The following RBM41 variants were observed in gnomAD, a reference collection of about 807,000 sequenced individuals.
The protein encoded by RBM41 is RNA binding motif protein 41.
Under a neutral mutation model 30.8 loss-of-function variants are expected in RBM41, and 14 were observed. The ratio of observed to expected loss-of-function variants is 0.45; its 90% CI spans 0.30 to 0.71. The LOEUF is 0.71. RBM41 is among the 30% of genes least tolerant of loss of function. RBM41 has a pLI of 0.08. For missense variants in RBM41, 276 were observed against 326.3 expected (o/e 0.85, Z 1.19); for synonymous variants, 120 against 110.1 (o/e 1.09, Z -0.56).
At chrX:107,061,513 T>C (rs1032022035), downstream of RBM41, among the ~76,000 whole-genome samples, 3 of 112,236 alleles carry the variant, frequency 2.7e-5, no homozygotes, top group African/African-American at 9.7e-5. Flanking sequence ...CATTGTACAC[T>C]AAGAAATTAG....
At chrX:107,069,158 G>T in intron 7 of RBM41, 97 bp downstream of exon 7, 1 of 774,157 alleles carries the variant, frequency 1.3e-6, no homozygotes, top group Non-Finnish European at 1.8e-6. Flanking sequence ...CACATGCTGT[G>T]GAGAAATCAA....
the RBM41 span, among the ~76,000 whole-genome samples, chrX:107,054,110 G>GA: frequency 9.0e-6 from 1 of 110,853 alleles, no homozygotes; most frequent in Non-Finnish European, 1.9e-5. Flanking sequence ...ACAGTAAAGA[G>GA]AAAAATATGA....
intron 5 of RBM41, among the ~76,000 whole-genome samples, chrX:107,092,802 A>G (rs1011573759): frequency 4.5e-5 from 5 of 111,796 alleles, no homozygotes; most frequent in Non-Finnish European, 7.5e-5. Flanking sequence ...TCAACATGAC[A>G]TCATCTACTA....
At chrX:107,085,228 G>T (rs1398165384) in intron 6 of RBM41, among the ~76,000 whole-genome samples, 1 of 106,875 alleles carries the variant, frequency 9.4e-6, no homozygotes, top group Non-Finnish European at 1.9e-5. Context: ...AGGTATATTA[G>T]AATTCTTATT....
the RBM41 span, among the ~76,000 whole-genome samples, chrX:107,052,649 G>A: frequency 9.0e-6 from 1 of 111,697 alleles, no homozygotes; most frequent in African/African-American, 3.3e-5. Context: ...GTCATGGACT[G>A]CATCTGGGGC....
At chrX:107,106,396 T>C (rs1405101634) in intron 5 of RBM41, among the ~76,000 whole-genome samples, 1 of 110,882 alleles carries the variant, frequency 9.0e-6, no homozygotes, top group African/African-American at 3.3e-5. Context: ...TGTGGAGAAA[T>C]AGGAACACTT....
At chrX:107,054,922 T>C in the RBM41 span, among the ~76,000 whole-genome samples, 1 of 111,939 alleles carries the variant, frequency 8.9e-6, no homozygotes, top group Non-Finnish European at 1.9e-5. Flanking sequence ...TTCACAATGT[T>C]GTGCAACCAT....
chrX:107,066,883 T>G lies in RBM41; in HGVS notation c.*644A>C. ...CTATGAATTCAATGATACTCAATGG[T>G]TGCTAGCTTAAATGGCTGTGAGAAC... is the stretch of plus-strand genomic sequence containing the variant. On this transcript the variant is annotated 3_prime_UTR_variant, in exon 8 of 8. Coordinates refer to ENST00000685964, the MANE Select transcript of RBM41 (RefSeq NM_001324242.2). 1 of 738,391 alleles carries G rather than the reference T, an allele frequency of 1.4e-6. No individual in the cohort carries two copies. Among genetic ancestry groups the G allele is most frequent in the Non-Finnish European group, 1.6e-6 (1 of 624,808 alleles). The allele number at this position is 738,391 out of a possible 1,213,427, so 60.9% of individuals were successfully genotyped here.
At position 107,069,375 on chromosome X, in the gene RBM41, G is replaced by A. The variant is rs752222051; in HGVS notation, c.1027C>T (p.Arg343Trp). 3.0e-4 allele frequency: 356 copies of A among 1,202,170 alleles called. 3 individuals carry two copies. The South Asian group carries it at 5.9e-3, about 20-fold the overall frequency. Residue 343 changes from arginine to tryptophan, a missense_variant, in exon 7 of 8, where the codon CGG becomes TGG. Transcript: ENST00000685964. ...KVLYLKNLSP[R>W]VTERDLVSLF... The stretch of plus-strand genomic sequence containing the variant: ...GACACAAGATCTCTTTCAGTCACCC[G>A]AGGGCTAAGGTTCTTCAGGTATAAT...
chrX:107,057,818 C>A (rs1485617387), downstream of RBM41, among the ~76,000 whole-genome samples: 2 of 111,284 alleles, frequency 1.8e-5, no homozygotes, highest in African/African-American at 6.5e-5. Context: ...ACTACTCACC[C>A]AACAGGGGAT....
intron 6 of RBM41, among the ~76,000 whole-genome samples, chrX:107,077,086 C>A (rs929923314): frequency 1.8e-5 from 2 of 111,552 alleles, no homozygotes; most frequent in Non-Finnish European, 3.8e-5. Flanking sequence ...AAACAAACTT[C>A]GAGTTTCTCA....
At chrX:107,110,730 G>T (rs1435553682) in intron 5 of RBM41, among the ~76,000 whole-genome samples, 2 of 111,409 alleles carry the variant, frequency 1.8e-5, no homozygotes, top group African/African-American at 6.5e-5. Context: ...GTGTGGTACT[G>T]GCATAAAGAC....
chrX:107,054,350 C>G, the RBM41 span, among the ~76,000 whole-genome samples: 1 of 111,590 alleles, frequency 9.0e-6, no homozygotes, highest in Non-Finnish European at 1.9e-5. Flanking sequence ...TACTCAGGTA[C>G]GCCATGGGTT....
intron 6 of RBM41, among the ~76,000 whole-genome samples, chrX:107,071,491 T>C (rs1237824418): frequency 9.0e-6 from 1 of 111,375 alleles, no homozygotes; most frequent in Non-Finnish European, 1.9e-5. Flanking sequence ...AATAAACAGA[T>C]GTAAAAATCC....
chrX:107,102,719 G>A (rs1206872094), intron 5 of RBM41, among the ~76,000 whole-genome samples: 1 of 111,329 alleles, frequency 9.0e-6, no homozygotes. Context: ...AGAGAGGATG[G>A]GGCTATAGCT....
intron 5 of RBM41, among the ~76,000 whole-genome samples, chrX:107,103,577 C>A (rs1399004976): frequency 9.0e-6 from 1 of 111,296 alleles, no homozygotes; most frequent in Non-Finnish European, 1.9e-5. Flanking sequence ...TTCTAAGCCA[C>A]CAGATTTATA....
At chrX:107,088,946 G>C in intron 5 of RBM41, 107 bp from the exon 6 acceptor site, 1 of 1,034,720 alleles carries the variant, frequency 9.7e-7, no homozygotes, top group Non-Finnish European at 1.3e-6. Flanking sequence ...AACACTGCTG[G>C]GGCAGGTCTT....
At chrX:107,108,183 CT>C (rs1292996328) in intron 5 of RBM41, among the ~76,000 whole-genome samples, 1 of 111,600 alleles carries the variant, frequency 9.0e-6, no homozygotes, top group African/African-American at 3.2e-5. Flanking sequence ...CTTATGCCCC[CT>C]GAAGCTCAAT....
Position 107,062,238 on chromosome X carries a change from T to A in RBM41, c.*5289A>T, listed in dbSNP as rs763831058. 8.9e-6 allele frequency among the ~76,000 whole-genome samples: 1 copy of A among 112,250 alleles called. No homozygotes were observed. Among genetic ancestry groups the A allele is most frequent in the South Asian group, 3.7e-4 (1 of 2,698 alleles). ...TCATCCAAGTGGTTGCATGTGTATT[T>A]CATTAGTTTATTGCTGAGTAGGATT... On this transcript the variant is annotated 3_prime_UTR_variant, in exon 8 of 8. Coordinates refer to ENST00000685964, the MANE Select transcript of RBM41 (RefSeq NM_001324242.2).
Sources: gnomAD v4.1 joint callset for allele counts (sites outside exome capture counted in the v4.1 genomes callset) on GRCh38, gnomAD v4.1.1 for gene constraint, MANE v1.5 for transcripts, NCBI Gene and HGNC (gene_info 2026-07-23, HGNC 2026-07-21) for gene names.